PRDM1: variants seen among roughly 807,000 people sequenced by gnomAD.
PRDM1 encodes the protein PR/SET domain 1, also known as PR domain zinc finger protein 1.
A neutral mutation model predicts 62.8 loss-of-function variants in PRDM1; 13 were observed. The ratio of observed to expected loss-of-function variants is 0.21; its 90% CI spans 0.13 to 0.33. PRDM1 has a LOEUF of 0.33. Among genes scored for constraint, PRDM1 ranks in the 10% least tolerant of loss-of-function variants. The pLI is 1.00. For missense variants in PRDM1, 895 were observed against 1,058.8 expected, an observed-to-expected ratio of 0.85 and a Z score of 2.15; for synonymous variants, 396 against 417.6, an observed-to-expected ratio of 0.95 and a Z score of 0.63.
rs1224724217 is a variant in PRDM1 at position 106,108,383 on chromosome 6, AT to A, written c.*899del. 5 of 233,292 alleles carry A rather than the reference AT, an allele frequency of 2.1e-5. No homozygotes were observed. The highest frequency in any genetic ancestry group is 4.2e-5 in the Non-Finnish European group (5 of 117,932). 14.5% of individuals were successfully genotyped at this position (233,292 alleles called of 1,614,324 possible). ...GCCACATGACTTTTGCATCCATTGT[AT>A]TATCAGAAAATGTGAAGAAGAAAAA... On this transcript the variant is annotated 3_prime_UTR_variant, in exon 7 of 7. Coordinates refer to ENST00000369096, the MANE Select transcript of PRDM1 (RefSeq NM_001198.4).
At chr6:106,002,441 G>T (rs1201494906) in intron 1 of PRDM1, among the ~76,000 whole-genome samples, 1 of 152,050 alleles carries the variant, frequency 6.6e-6, no homozygotes, top group African/African-American at 2.4e-5. Context: ...TTATTTTGGG[G>T]AGCGATTAAA....
At chr6:106,052,780 G>A (rs1201178020) in intron 1 of PRDM1, among the ~76,000 whole-genome samples, 1 of 152,066 alleles carries the variant, frequency 6.6e-6, no homozygotes, top group Non-Finnish European at 1.5e-5. Flanking sequence ...AGACCATCCT[G>A]GCCAACATGG....
chr6:106,079,452 A>G (rs1371830871), intron 1 of PRDM1, among the ~76,000 whole-genome samples: 1 of 152,176 alleles, frequency 6.6e-6, no homozygotes, highest in Non-Finnish European at 1.5e-5. Flanking sequence ...ATATAATTTC[A>G]TTGATGAATA....
chr6:106,086,690 C>A, intron 1 of PRDM1, 95 bp downstream of exon 1: 1 of 1,192,274 alleles, frequency 8.4e-7, no homozygotes, highest in Non-Finnish European at 1.2e-6. Context: ...TTTTTTTTGG[C>A]TAATGTCGCA....
intron 2 of PRDM1, among the ~76,000 whole-genome samples, chr6:106,092,619 C>T (rs1256340803): frequency 6.6e-6 from 1 of 152,184 alleles, no homozygotes; most frequent in African/African-American, 2.4e-5. Context: ...AACTATGGGT[C>T]AGGGAGATGG....
Position 106,109,886 on chromosome 6 carries a change from T to C in PRDM1, c.*2400T>C. 1 of 230,900 alleles carries C rather than the reference T, an allele frequency of 4.3e-6. No homozygotes were observed. 14.3% of individuals were successfully genotyped at this position (230,900 alleles called of 1,614,324 possible). A position where few individuals can be genotyped will look rare whatever the true frequency, so the allele number is the denominator to read the frequency against. Reference sequence around the variant, plus strand: ...ACATACTGGTTTACAATGTTATTTATGTGCAAATTGTCAAAATGTAAATTA... The same window carrying C: ...ACATACTGGTTTACAATGTTATTTACGTGCAAATTGTCAAAATGTAAATTA... On this transcript the variant is annotated 3_prime_UTR_variant, in exon 7 of 7. Coordinates refer to ENST00000369096, the MANE Select transcript of PRDM1 (RefSeq NM_001198.4).
chr6:106,052,706 C>T (rs1229418068), intron 1 of PRDM1, among the ~76,000 whole-genome samples: 3 of 152,004 alleles, frequency 2.0e-5, no homozygotes, highest in Non-Finnish European at 4.4e-5. Flanking sequence ...CGTGGGGTGG[C>T]TCACACCTGT....
At chr6:106,066,081 G>A (rs1773429797) in intron 1 of PRDM1, among the ~76,000 whole-genome samples, 1 of 152,168 alleles carries the variant, frequency 6.6e-6, no homozygotes, top group Non-Finnish European at 1.5e-5. Context: ...GAGGCCCTTG[G>A]AGAAACAGCC....
At chr6:105,999,292 C>G (rs935495720) in intron 1 of PRDM1, among the ~76,000 whole-genome samples, 2 of 151,424 alleles carry the variant, frequency 1.3e-5, no homozygotes, top group African/African-American at 4.9e-5. Flanking sequence ...AGCAGTGGCT[C>G]ACACTTGTAA....
At chr6:106,053,783 T>C (rs1166068618) in intron 1 of PRDM1, among the ~76,000 whole-genome samples, 4 of 152,104 alleles carry the variant, frequency 2.6e-5, no homozygotes, top group East Asian at 1.9e-4. Flanking sequence ...AATGTCCTTT[T>C]TCGTGGTTTA....
upstream of PRDM1, among the ~76,000 whole-genome samples, chr6:106,085,489 TAAAC>T (rs1562163324): frequency 6.6e-6 from 1 of 152,320 alleles, no homozygotes; most frequent in East Asian, 1.9e-4. Flanking sequence ...CTCTTAATAA[TAAAC>T]AAACAGGACA....
At chr6:106,032,499 G>A (rs1040441922) in intron 1 of PRDM1, among the ~76,000 whole-genome samples, 4 of 151,946 alleles carry the variant, frequency 2.6e-5, no homozygotes, top group East Asian at 1.9e-4. Flanking sequence ...GTGCAGTGGC[G>A]CAGTCTCTGC....
chr6:106,083,759 T>TG (rs1478830844), upstream of PRDM1, among the ~76,000 whole-genome samples: 1 of 152,196 alleles, frequency 6.6e-6, no homozygotes. Context: ...TGTTCTAACT[T>TG]GGGGGGAAAT....
chr6:106,027,778 CTGTT>C (rs1370562334), intron 1 of PRDM1, among the ~76,000 whole-genome samples: 2 of 152,210 alleles, frequency 1.3e-5, no homozygotes, highest in African/African-American at 4.8e-5. Flanking sequence ...CAAAAACCCT[CTGTT>C]TGGCAGGAGA....
intron 1 of PRDM1, among the ~76,000 whole-genome samples, chr6:106,005,647 A>C (rs563039191): frequency 6.6e-6 from 1 of 152,240 alleles, no homozygotes; most frequent in Non-Finnish European, 1.5e-5. Flanking sequence ...TAGAATTATC[A>C]TTAAAACACT....
chr6:106,090,233 A>G (rs758535487), intron 2 of PRDM1, among the ~76,000 whole-genome samples: 1 of 152,056 alleles, frequency 6.6e-6, no homozygotes, highest in African/African-American at 2.4e-5. Flanking sequence ...TTTCAGACCA[A>G]TCCTTAAGCT....
intron 1 of PRDM1, among the ~76,000 whole-genome samples, chr6:106,028,338 A>G (rs563164355): frequency 6.6e-6 from 1 of 152,348 alleles, no homozygotes; most frequent in African/African-American, 2.4e-5. Context: ...CCTTTGCTTC[A>G]TAAGTGTAGT....
upstream of PRDM1, among the ~76,000 whole-genome samples, chr6:106,047,437 C>T (rs1773098240): frequency 6.6e-6 from 1 of 152,216 alleles, no homozygotes; most frequent in South Asian, 2.1e-4. Context: ...TGGACAGACA[C>T]ATGAATTGTG....
At chr6:106,024,135 GT>G (rs1772734622) in intron 1 of PRDM1, among the ~76,000 whole-genome samples, 1 of 142,148 alleles carries the variant, frequency 7.0e-6, no homozygotes, top group Non-Finnish European at 1.6e-5. Flanking sequence ...AAGCAAGACC[GT>G]GTCTCAAAAA....
Sources: allele counts gnomAD v4.1 joint callset (sites outside exome capture counted in the v4.1 genomes callset), GRCh38; gene constraint gnomAD v4.1.1; transcripts MANE v1.5; gene names NCBI Gene and HGNC (gene_info 2026-07-23, HGNC 2026-07-21).